Variants in CELF2 observed in about 807,000 individuals in gnomAD.
CELF2 encodes CUGBP Elav-like family member 2, also known as CUG triplet repeat RNA-binding protein 2.
In CELF2, 8 loss-of-function variants were observed where a neutral mutation model predicts 62.6. The ratio of observed to expected loss-of-function variants is 0.13; its 90% CI spans 0.07 to 0.23. The LOEUF is 0.23. Ranked by LOEUF, CELF2 falls within the 10% of genes least tolerant of loss-of-function variation. The probability of loss-of-function intolerance (pLI) is 1.00; values close to 1 mark genes in which losing one functional copy is unlikely to be tolerated. For missense variants in CELF2, 333 were observed against 671.0 expected, an observed-to-expected ratio of 0.50 and a Z score of 5.56; for synonymous variants, 258 against 250.0, an observed-to-expected ratio of 1.03 and a Z score of -0.30.
chr10:11,038,225 T>C (rs1201962691), intron 1 of CELF2, among the ~76,000 whole-genome samples: 2 of 152,220 alleles, frequency 1.3e-5, no homozygotes, highest in East Asian at 1.9e-4. Flanking sequence ...GGGGTGAACA[T>C]AGTAGCTTCA....
chr10:10,735,896 TA>T, the CELF2 span, among the ~76,000 whole-genome samples: 2 of 152,214 alleles, frequency 1.3e-5, no homozygotes, highest in African/African-American at 2.4e-5. Flanking sequence ...CATGACAGAT[TA>T]CTAGCCACTG....
the CELF2 span, among the ~76,000 whole-genome samples, chr10:10,655,276 C>T: frequency 1.4e-5 from 2 of 139,116 alleles, no homozygotes; most frequent in Non-Finnish European, 1.6e-5. Context: ...GAATCAATAT[C>T]GTGAAAATGG....
In CELF2 at chr10:11,197,058, A is replaced by AAGG. The variant is rs1554936744; in HGVS notation, c.272-20366_272-20365insGGA. On this transcript the variant is annotated intron_variant, in intron 2 of 12. Coordinates refer to ENST00000633077, the MANE Select transcript of CELF2 (RefSeq NM_001326342.2). ...GAAAGAAAGAAAGAAAGAAAGAAAG[A>AAGG]AAAGAAAGAAAGGAAAGAAAGAAAG... Among the ~76,000 whole-genome samples the AAGG allele has an allele frequency of 4.4e-4, 32 of 71,950 alleles. 2 individuals carry two copies. Among genetic ancestry groups the AAGG allele is most frequent in the African/African-American group, 1.3e-3 (23 of 17,318 alleles). The allele number at this position is 71,950 out of a possible 152,430, so 47.2% of individuals were successfully genotyped here.
At position 11,314,002 on chromosome 10, in the gene CELF2, C is replaced by T. The variant is rs2094743305; in HGVS notation, c.977-137C>T. The stretch of plus-strand genomic sequence containing the variant: ...CTGTCAAAATTGCCACAAGTACAAT[C>T]CCACATGTCCTTCACCCAAAGCCAC... On this transcript the variant is annotated intron_variant, in intron 9 of 12. Coordinates refer to ENST00000633077, the MANE Select transcript of CELF2 (RefSeq NM_001326342.2). This position sits in a 1 kb window ranked among gnomAD's most constrained non-coding sequence, Gnocchi z 5.3. The T allele has an allele frequency of 1.1e-6, 1 of 872,922 alleles. No homozygotes were observed. Among genetic ancestry groups the T allele is most frequent in the Admixed American group, 2.3e-5 (1 of 43,148 alleles). 54.1% of individuals were successfully genotyped at this position (872,922 alleles called of 1,614,324 possible).
the CELF2 span, among the ~76,000 whole-genome samples, chr10:10,533,793 A>T: frequency 6.6e-6 from 1 of 152,254 alleles, no homozygotes; most frequent in Non-Finnish European, 1.5e-5. Context: ...TGGGCCATCC[A>T]GGAAAAGATT....
chr10:10,557,394 T>A, the CELF2 span, among the ~76,000 whole-genome samples: 19,080 of 149,026 alleles, frequency 0.13, 1,355 homozygotes, highest in East Asian at 0.22. Flanking sequence ...TTGATCTATA[T>A]CTCTGTTTTG....
intron 2 of CELF2, among the ~76,000 whole-genome samples, chr10:10,945,460 C>T (rs890285000): frequency 6.6e-6 from 1 of 152,174 alleles, no homozygotes; most frequent in Admixed American, 6.5e-5. Flanking sequence ...GAGGAAGAGC[C>T]AGCTCTGCAC....
chr10:10,601,765 G>C, the CELF2 span, among the ~76,000 whole-genome samples: 1 of 150,088 alleles, frequency 6.7e-6, no homozygotes, highest in African/African-American at 2.5e-5. Flanking sequence ...GGGTACATGT[G>C]CAGGATGTGC....
intron 1 of CELF2, among the ~76,000 whole-genome samples, chr10:11,131,606 T>C (rs2059634352): frequency 6.6e-6 from 1 of 152,216 alleles, no homozygotes; most frequent in African/African-American, 2.4e-5. Flanking sequence ...CGCATGTTTA[T>C]GTGCTACGTT....
At chr10:10,790,874 A>G in the CELF2 span, among the ~76,000 whole-genome samples, 1 of 152,112 alleles carries the variant, frequency 6.6e-6, no homozygotes, top group Non-Finnish European at 1.5e-5. Context: ...CCTTTCTGTA[A>G]GGAATTCAGT....
At chr10:10,507,096 C>T in the CELF2 span, among the ~76,000 whole-genome samples, 33 of 152,216 alleles carry the variant, frequency 2.2e-4, no homozygotes, top group East Asian at 5.2e-3. Context: ...CAGTTCACTT[C>T]GTCATTTCAG....
At chr10:10,686,574 A>C in the CELF2 span, among the ~76,000 whole-genome samples, 1 of 152,076 alleles carries the variant, frequency 6.6e-6, no homozygotes, top group Non-Finnish European at 1.5e-5. Context: ...AGTTTCCCCT[A>C]TACTGTCCTT....
At chr10:10,529,279 C>T in the CELF2 span, among the ~76,000 whole-genome samples, 5 of 152,176 alleles carry the variant, frequency 3.3e-5, no homozygotes, top group African/African-American at 1.2e-4. Context: ...AACTCTTAAG[C>T]AGCTGTCATG....
At chr10:11,317,539 G>A (rs989101007) in intron 10 of CELF2, 2 of 152,236 alleles carry the variant, frequency 1.3e-5, no homozygotes, top group African/African-American at 4.8e-5. Context: ...TTACAAATCT[G>A]TGAGAATATT....
intron 8 of CELF2, among the ~76,000 whole-genome samples, chr10:11,284,240 GGGGTGGGTGGATGATGGATGAC>G (rs1565761210): frequency 7.1e-4 from 1 of 1,408 alleles, no homozygotes; most frequent in Non-Finnish European, 1.5e-3. Context: ...GAGGGATGGA[GGGGTGGGTGGATGATGGATGAC>G]TGTGTGGTAG....
At chr10:11,152,228 G>A (rs981801732) in intron 1 of CELF2, among the ~76,000 whole-genome samples, 5 of 152,162 alleles carry the variant, frequency 3.3e-5, no homozygotes, top group African/African-American at 1.2e-4. Context: ...TAGTCACTGC[G>A]AAACTGGACC....
At chr10:10,898,142 T>G (rs761777673) in intron 1 of CELF2, among the ~76,000 whole-genome samples, 8 of 152,216 alleles carry the variant, frequency 5.3e-5, no homozygotes, top group Non-Finnish European at 8.8e-5. Flanking sequence ...GAAAGTCTAC[T>G]GTATGCCTGA....
chr10:10,591,128 C>G, the CELF2 span, among the ~76,000 whole-genome samples: 1 of 152,022 alleles, frequency 6.6e-6, no homozygotes, highest in Non-Finnish European at 1.5e-5. Context: ...ATTTCGTCAT[C>G]TATGTTAAGA....
At chr10:10,624,924 T>C in the CELF2 span, among the ~76,000 whole-genome samples, 4 of 152,238 alleles carry the variant, frequency 2.6e-5, no homozygotes, top group Non-Finnish European at 4.4e-5. Context: ...ACTTTTGTTG[T>C]TAACAATAAA....
Sources: gnomAD v4.1 joint callset for allele counts (sites outside exome capture counted in the v4.1 genomes callset) on GRCh38, gnomAD v4.1.1 for gene constraint, Gnocchi (gnomAD v3.1) non-coding constraint, MANE v1.5 for transcripts, NCBI Gene and HGNC (gene_info 2026-07-23, HGNC 2026-07-21) for gene names.